The following ZNF420 variants were observed in gnomAD, a reference collection of about 807,000 sequenced individuals.
ZNF420 encodes the protein zinc finger protein 420.
Under a neutral mutation model 44.7 loss-of-function variants are expected in ZNF420, and 31 were observed. The observed-to-expected ratio is 0.69, with a 90% CI of 0.52 to 0.94. The LOEUF (loss-of-function observed/expected upper bound fraction) is 0.94. Among genes scored for constraint, ZNF420 ranks in the 40% least tolerant of loss-of-function variants. ZNF420 has a pLI of 0.00. For missense variants in ZNF420, 681 were observed against 827.9 expected (o/e 0.82, Z 2.18); for synonymous variants, 245 against 267.4 (o/e 0.92, Z 0.82).
chr19:37,067,014 C>T (rs552287709), intron 1 of ZNF420, among the ~76,000 whole-genome samples: 4 of 152,114 alleles, frequency 2.6e-5, no homozygotes, highest in Non-Finnish European at 1.5e-5. Context: ...ATTTTTAAAA[C>T]ATTATACTGA....
chr19:37,069,362 ATAG>A (rs1968019425), intron 1 of ZNF420, among the ~76,000 whole-genome samples: 2 of 152,200 alleles, frequency 1.3e-5, no homozygotes, highest in Admixed American at 6.5e-5. Context: ...AAAAGAAATC[ATAG>A]TAGAAATTTA....
At chr19:37,101,492 C>CTCAA (rs989480914) in intron 4 of ZNF420, among the ~76,000 whole-genome samples, 5 of 152,220 alleles carry the variant, frequency 3.3e-5, no homozygotes, top group Non-Finnish European at 5.9e-5. Context: ...AAGACTCCAT[C>CTCAA]TCAATCAATC....
intron 2 of ZNF420, among the ~76,000 whole-genome samples, chr19:37,081,505 A>ATTT (rs34091203): frequency 5.5e-4 from 74 of 135,386 alleles, no homozygotes; most frequent in African/African-American, 1.6e-3. Flanking sequence ...TGCTTCATGT[A>ATTT]TTTTTTTTTT....
At chr19:37,055,486 G>A (rs567221650) in intron 1 of ZNF420, among the ~76,000 whole-genome samples, 2 of 152,166 alleles carry the variant, frequency 1.3e-5, no homozygotes, top group Non-Finnish European at 2.9e-5. Context: ...AACAACGCCC[G>A]CTACTCCATC....
rs555969954 is a variant in ZNF420 at position 37,086,178 on chromosome 19, T to C, written c.-80-2861T>C. 2.0e-5 allele frequency among the ~76,000 whole-genome samples: 3 copies of C among 152,134 alleles called. No individual in the cohort carries two copies. The South Asian group carries it at 6.2e-4, about 32-fold the overall frequency. On this transcript the variant is annotated intron_variant, in intron 2 of 4. Coordinates refer to ENST00000337995, the MANE Select transcript of ZNF420 (RefSeq NM_144689.5). ...CCCTGGTCCCAGTCCATAAAATGAA[T>C]GATAGGAGCTTTTTGTTCTGCATTC...
chr19:37,112,008 T>C (rs1970407980), intron 4 of ZNF420, among the ~76,000 whole-genome samples: 1 of 151,990 alleles, frequency 6.6e-6, no homozygotes, highest in Admixed American at 6.6e-5. Flanking sequence ...GAATGAAGGC[T>C]CAGTATGTCC....
intron 4 of ZNF420, among the ~76,000 whole-genome samples, chr19:37,101,508 G>T (rs1969775407): frequency 6.6e-6 from 1 of 152,146 alleles, no homozygotes. Context: ...CAATCAATCA[G>T]TCAATCAATC....
chr19:37,069,729 T>TA (rs1313889432), intron 1 of ZNF420, among the ~76,000 whole-genome samples: 2 of 152,090 alleles, frequency 1.3e-5, no homozygotes, highest in African/African-American at 2.4e-5. Context: ...ATCATAAAGT[T>TA]AAAAAAATCA....
At chr19:37,119,269 G>A (rs372939855) in intron 4 of ZNF420, among the ~76,000 whole-genome samples, 3 of 152,002 alleles carry the variant, frequency 2.0e-5, no homozygotes, top group African/African-American at 4.8e-5. Flanking sequence ...ATAACAAACT[G>A]TCTCTCAGAC....
chr19:37,013,381 G>C (rs1488074109), intron 1 of ZNF420, among the ~76,000 whole-genome samples: 1 of 152,170 alleles, frequency 6.6e-6, no homozygotes, highest in East Asian at 1.9e-4. Flanking sequence ...CATCGTCTGG[G>C]GAATGGGTCC....
chr19:37,012,764 C>CTGTGTGTGTG lies in ZNF420; in HGVS notation c.-125+4683_-125+4684insGTGTGTGTGT, dbSNP rs759249724. 1.7e-3 allele frequency among the ~76,000 whole-genome samples: 219 copies of CTGTGTGTGTG among 132,364 alleles called. 3 individuals are homozygous for CTGTGTGTGTG. Among genetic ancestry groups the CTGTGTGTGTG allele is most frequent in the African/African-American group, 6.2e-3 (205 of 32,860 alleles). The allele number at this position is 132,364 out of a possible 152,430, so 86.8% of individuals were successfully genotyped here. The stretch of plus-strand genomic sequence containing the variant: ...GTGCTTCTGTGCCACTGCTATATGT[C>CTGTGTGTGTG]TCTGTGTGTGTGTGTGTGTGTGTGT... On this transcript the variant is annotated intron_variant, in intron 1 of 4. Transcript: ENST00000587029.
chr19:37,047,998 G>A (rs556107863), intron 1 of ZNF420, among the ~76,000 whole-genome samples: 4 of 152,256 alleles, frequency 2.6e-5, no homozygotes, highest in Non-Finnish European at 5.9e-5. Flanking sequence ...GTTAGAGAGG[G>A]AAAGTACAGA....
chr19:37,104,195 T>C lies in ZNF420; in HGVS notation c.136+13074T>C, dbSNP rs1242162433. Among the ~76,000 whole-genome samples the C allele has an allele frequency of 3.4e-5, 5 of 147,138 alleles. No homozygotes were observed. In the East Asian group the frequency reaches 1.1e-3, roughly 31 times the overall value. ...ATGTTCCCCTTCCTGTGTCCAAGTGTTCTCATTGTTCAATTCCCACCTATG... is the reference window on the plus strand; with the variant it reads ...ATGTTCCCCTTCCTGTGTCCAAGTGCTCTCATTGTTCAATTCCCACCTATG... On this transcript the variant is annotated intron_variant, in intron 4 of 4. Coordinates refer to ENST00000337995, the MANE Select transcript of ZNF420 (RefSeq NM_144689.5).
intron 1 of ZNF420, among the ~76,000 whole-genome samples, chr19:37,069,665 TGTC>T (rs951102125): frequency 1.4e-4 from 21 of 152,102 alleles, no homozygotes; most frequent in African/African-American, 4.1e-4. Flanking sequence ...AAAACAGTAT[TGTC>T]GTATGGATAT....
rs4806413 is a variant in ZNF420, at chr19:37,126,814, A to T, written c.137-314A>T. On this transcript the variant is annotated intron_variant, in intron 4 of 4. Transcript: ENST00000337995. ...AGATCCTTCTTAGCTAATTTTTTTT[A>T]AAATTCTAGATAGGAACATTACTGT... is the stretch of plus-strand genomic sequence containing the variant. Among the ~76,000 whole-genome samples, 24,503 of 151,954 alleles carry T rather than the reference A, an allele frequency of 0.16. 2,083 individuals carry two copies. The highest frequency in any genetic ancestry group is 0.23 in the African/African-American group (9,321 of 41,406).
At position 37,129,567 on chromosome 19, in the gene ZNF420, T is replaced by C. The variant is rs1971552933; in HGVS notation, c.*509T>C. 1 of 160,170 alleles carries C rather than the reference T, an allele frequency of 6.2e-6. No homozygotes were observed. The highest frequency in any genetic ancestry group is 1.8e-4 in the South Asian group (1 of 5,622). 9.9% of individuals were successfully genotyped at this position (160,170 alleles called of 1,614,324 possible). A position where few individuals can be genotyped will look rare whatever the true frequency, so the allele number is the denominator to read the frequency against. ...AATTTGCATGAGAGGAGAGTACTTA[T>C]GAGTATAATGAATATTGAGAAATCT... On this transcript the variant is annotated 3_prime_UTR_variant, in exon 5 of 5. Coordinates refer to ENST00000337995, the MANE Select transcript of ZNF420 (RefSeq NM_144689.5).
chr19:37,108,755 A>G (rs1434533240), intron 4 of ZNF420, among the ~76,000 whole-genome samples: 1 of 151,590 alleles, frequency 6.6e-6, no homozygotes, highest in Non-Finnish European at 1.5e-5. Flanking sequence ...ATGTTTGTCT[A>G]AACTTTCTGT....
chr19:37,038,343 T>C (rs904618580), intron 1 of ZNF420, among the ~76,000 whole-genome samples: 2 of 152,214 alleles, frequency 1.3e-5, no homozygotes, highest in African/African-American at 2.4e-5. Context: ...TGGTGGTTGC[T>C]GAAGGCTGGA....
intron 1 of ZNF420, among the ~76,000 whole-genome samples, chr19:37,033,093 G>A (rs1465364807): frequency 6.6e-6 from 1 of 152,170 alleles, no homozygotes; most frequent in Non-Finnish European, 1.5e-5. Context: ...GGGATTGAGG[G>A]AGACTTCATT....
Sources: gnomAD v4.1 joint callset for allele counts (sites outside exome capture counted in the v4.1 genomes callset) on GRCh38, gnomAD v4.1.1 for gene constraint, MANE v1.5 for transcripts, NCBI Gene and HGNC (gene_info 2026-07-23, HGNC 2026-07-21) for gene names.